Variants in CLASP2 observed in about 807,000 individuals in gnomAD.
The protein encoded by CLASP2 is CLIP-associating protein 2.
A neutral mutation model predicts 194.4 loss-of-function variants in CLASP2; 47 were observed. The ratio of observed to expected loss-of-function variants is 0.24; its 90% confidence interval spans 0.19 to 0.31. CLASP2 has a LOEUF of 0.31. Ranked by LOEUF, CLASP2 falls within the 10% of genes least tolerant of loss-of-function variation. CLASP2 has a pLI of 1.00. For missense variants in CLASP2, 1,445 were observed against 1,823.6 expected (o/e 0.79, Z 3.78); for synonymous variants, 619 against 633.5 (o/e 0.98, Z 0.34).
chr3:33,553,748 T>C (rs1359907882), intron 29 of CLASP2, among the ~76,000 whole-genome samples: 1 of 152,226 alleles, frequency 6.6e-6, no homozygotes, highest in Non-Finnish European at 1.5e-5. Flanking sequence ...TCCACAATGC[T>C]GGTGGAAATG....
At chr3:33,670,337 A>T (rs2086924995) in intron 6 of CLASP2, among the ~76,000 whole-genome samples, 1 of 152,200 alleles carries the variant, frequency 6.6e-6, no homozygotes, top group Non-Finnish European at 1.5e-5. Flanking sequence ...TGTGTGGTGG[A>T]TACATGCATG....
At chr3:33,584,036 T>A (rs1288684020) in intron 22 of CLASP2, among the ~76,000 whole-genome samples, 1 of 152,174 alleles carries the variant, frequency 6.6e-6, no homozygotes, top group East Asian at 1.9e-4. Flanking sequence ...TAAGCTGGCT[T>A]CATCTATCAT....
At chr3:33,544,527 T>C (rs1461033932) in intron 31 of CLASP2, among the ~76,000 whole-genome samples, 171 bp downstream of exon 31, 1 of 152,188 alleles carries the variant, frequency 6.6e-6, no homozygotes, top group Admixed American at 6.5e-5. Context: ...AGGACAGGAA[T>C]AGGGACTCTG....
At position 33,633,277 on chromosome 3, in the gene CLASP2, G is replaced by A. The variant is rs112986647; in HGVS notation, c.863-906C>T. Among the ~76,000 whole-genome samples the A allele has an allele frequency of 6.6e-3, 1,010 of 152,156 alleles. 9 individuals are homozygous for A. The highest frequency in any genetic ancestry group is 0.022 in the African/African-American group (914 of 41,508). The stretch of plus-strand genomic sequence containing the variant: ...CCTGAGTTCTCATTCCTGAATGTAG[G>A]CTCCTTTGACAATGTGACTCTGCAG... On this transcript the variant is annotated intron_variant, in intron 8 of 38. Coordinates refer to ENST00000682230, the MANE Select transcript of CLASP2 (RefSeq NM_001365631.1).
chr3:33,523,672 T>G (rs1447296960), intron 34 of CLASP2, among the ~76,000 whole-genome samples: 1 of 152,206 alleles, frequency 6.6e-6, no homozygotes. Context: ...CATTGGCAAT[T>G]ATAAAAACTA....
At chr3:33,626,272 G>T (rs2078037771) in intron 10 of CLASP2, among the ~76,000 whole-genome samples, 1 of 151,998 alleles carries the variant, frequency 6.6e-6, no homozygotes. Context: ...AGCCAGATTG[G>T]GACCTCTCAA....
rs147939105 is a variant in CLASP2 at position 33,524,529 on chromosome 3, T to A, written c.3788-7355A>T. ...AGCCAGGCGTGGTGGCATGTGCCTA[T>A]AATCCCAGCTACTAGGGAGGCTGAG... On this transcript the variant is annotated intron_variant, in intron 34 of 38. Transcript: ENST00000682230. Among the ~76,000 whole-genome samples the A allele has an allele frequency of 5.9e-5, 9 of 152,216 alleles. No individual in the cohort carries two copies. In the East Asian group the frequency reaches 1.5e-3, roughly 26 times the overall value.
chr3:33,543,113 C>T (rs1046858568), intron 32 of CLASP2, among the ~76,000 whole-genome samples: 5 of 152,206 alleles, frequency 3.3e-5, no homozygotes, highest in African/African-American at 1.2e-4. Context: ...TACCTCACGC[C>T]TGTAATCCCA....
chr3:33,582,852 T>C lies in CLASP2; in HGVS notation c.2240-924A>G, dbSNP rs1221615894. Among the ~76,000 whole-genome samples the C allele has an allele frequency of 5.9e-5, 9 of 152,120 alleles. 1 individual carries two copies. Among genetic ancestry groups the C allele is most frequent in the Admixed American group, 5.9e-4 (9 of 15,268 alleles). ...AACAAAAAGAAGTGAATTAGTTAGA[T>C]GAAAACTTCAGAGGCTCATGGGCCA... On this transcript the variant is annotated intron_variant, in intron 22 of 38. Transcript: ENST00000682230.
In CLASP2 at chr3:33,592,632, T is replaced by C. The variant is rs1481859765; in HGVS notation, c.1967-136A>G. Reference sequence around the variant, plus strand: ...AATCATCAATTACGGGTTCTATTTCTCTTAAAAATTTTATAAACAGTAATT... The same window carrying C: ...AATCATCAATTACGGGTTCTATTTCCCTTAAAAATTTTATAAACAGTAATT... On this transcript the variant is annotated intron_variant, in intron 20 of 38. Transcript: ENST00000682230. The C allele has an allele frequency of 4.0e-6, 3 of 743,710 alleles. No homozygotes were observed. In the South Asian group the frequency reaches 4.8e-5, roughly 12 times the overall value. The allele number at this position is 743,710 out of a possible 1,614,324, so 46.1% of individuals were successfully genotyped here.
At chr3:33,565,407 C>T (rs2062535668) in intron 27 of CLASP2, among the ~76,000 whole-genome samples, 1 of 152,102 alleles carries the variant, frequency 6.6e-6, no homozygotes, top group Non-Finnish European at 1.5e-5. Flanking sequence ...TCTCAAACTC[C>T]TGACCTGAGG....
At chr3:33,499,648 C>T (rs771019792) in intron 38 of CLASP2, among the ~76,000 whole-genome samples, 7 of 152,088 alleles carry the variant, frequency 4.6e-5, no homozygotes, top group Non-Finnish European at 8.8e-5. Flanking sequence ...CGTACCTGGC[C>T]TAGGGCAGTT....
chr3:33,683,083 T>C (rs2090088465), intron 6 of CLASP2: 1 of 152,242 alleles, frequency 6.6e-6, no homozygotes, highest in Admixed American at 6.5e-5. Flanking sequence ...CAACAGTACA[T>C]ACTTTTAAAG....
chr3:33,513,012 C>A (rs1006184149), intron 36 of CLASP2, among the ~76,000 whole-genome samples: 2 of 151,760 alleles, frequency 1.3e-5, no homozygotes, highest in African/African-American at 4.9e-5. Context: ...ACCAACCAAC[C>A]AAACAAACAA....
intron 1 of CLASP2, among the ~76,000 whole-genome samples, chr3:33,710,152 A>G (rs759001703): frequency 9.9e-5 from 15 of 152,166 alleles, no homozygotes; most frequent in Non-Finnish European, 1.9e-4. Flanking sequence ...AATTACAGAA[A>G]GCATGATTCC....
At chr3:33,673,496 A>T (rs1279436641) in intron 6 of CLASP2, among the ~76,000 whole-genome samples, 46 of 151,944 alleles carry the variant, frequency 3.0e-4, no homozygotes, top group African/African-American at 1.1e-3. Context: ...TCATGCCAAA[A>T]TGTAAAGACC....
chr3:33,650,764 G>A (rs2083044737), intron 7 of CLASP2, among the ~76,000 whole-genome samples: 1 of 152,038 alleles, frequency 6.6e-6, no homozygotes, highest in African/African-American at 2.4e-5. Flanking sequence ...GAGGAAGAAA[G>A]GAGTACAAGA....
intron 37 of CLASP2, among the ~76,000 whole-genome samples, chr3:33,507,816 T>A (rs180834599): frequency 2.0e-5 from 3 of 151,940 alleles, no homozygotes; most frequent in Admixed American, 2.0e-4. Context: ...CCACCTTCAG[T>A]GATGTTAAGA....
chr3:33,519,525 A>G (rs2052367468), intron 34 of CLASP2, among the ~76,000 whole-genome samples: 2 of 152,194 alleles, frequency 1.3e-5, no homozygotes, highest in Admixed American at 1.3e-4. Context: ...GGAGGAGAAT[A>G]AAAGAAAAAT....
Sources: allele counts gnomAD v4.1 joint callset (sites outside exome capture counted in the v4.1 genomes callset), GRCh38; gene constraint gnomAD v4.1.1; transcripts MANE v1.5; gene names NCBI Gene and HGNC (gene_info 2026-07-23, HGNC 2026-07-21).